BBS5: variants seen among roughly 807,000 people sequenced by gnomAD.
BBS5 encodes Bardet-Biedl syndrome 5.
In BBS5, 39 loss-of-function variants were observed where a neutral mutation model predicts 50.2. The observed-to-expected ratio is 0.78, with a 90% CI of 0.60 to 1.01. BBS5 has a LOEUF of 1.01. Among genes scored for constraint, BBS5 ranks in the 50% least tolerant of loss-of-function variants. BBS5 has a pLI of 0.00. For synonymous variants in BBS5, 134 were observed against 133.1 expected (o/e 1.01, Z -0.05); for missense variants, 356 against 401.5 (o/e 0.89, Z 0.97).
chr2:169,500,895 C>T (rs965260125), intron 9 of BBS5, among the ~76,000 whole-genome samples: 2 of 152,164 alleles, frequency 1.3e-5, no homozygotes, highest in Non-Finnish European at 2.9e-5. Context: ...GTAATATCAC[C>T]TGCTCGTTCA....
At chr2:169,482,085 A>C (rs1683407393) in intron 1 of BBS5, among the ~76,000 whole-genome samples, 166 bp from the exon 2 acceptor site, 1 of 152,102 alleles carries the variant, frequency 6.6e-6, no homozygotes. Flanking sequence ...ACTGATCTTC[A>C]GGTTCTTGAA....
chr2:169,504,700 A>C lies in BBS5; in HGVS notation c.*118A>C, dbSNP rs1431317019. On this transcript the variant is annotated 3_prime_UTR_variant, in exon 12 of 12. Transcript: ENST00000295240. ...TACAGCTTTTATATTTAAAACTTGT[A>C]AGAGTTTTTTTAATGATTGAGGAAA... 2 of 1,190,202 alleles carry C rather than the reference A, an allele frequency of 1.7e-6. No individual in the cohort carries two copies. Among genetic ancestry groups the C allele is most frequent in the Non-Finnish European group, 2.4e-6 (2 of 827,314 alleles). 73.7% of individuals were successfully genotyped at this position (1,190,202 alleles called of 1,614,324 possible).
At position 169,499,609 on chromosome 2, in the gene BBS5, A is replaced by T; in HGVS notation, c.805A>T (p.Met269Leu). ...TCCCATATTTGGAGTTGATTATGAG[A>T]TGGAAGAAAAGGTAATTTGTTGAGT... ...ASPIFGVDYE[M>L]EEKPQPLEAL... The change falls in exon 9 of 12, where the codon ATG becomes TTG. Residue 269 changes from methionine to leucine, a missense_variant. Physicochemically the swap from Met to Leu is conservative, Grantham distance 15 (BLOSUM62 2). Coordinates refer to ENST00000295240, the MANE Select transcript of BBS5 (RefSeq NM_152384.3). 1 of 1,613,938 alleles carries T rather than the reference A, an allele frequency of 6.2e-7. No homozygotes were observed. Among genetic ancestry groups the T allele is most frequent in the South Asian group, 1.1e-5 (1 of 91,072 alleles).
At chr2:169,504,163 G>A (rs900445870) in intron 10 of BBS5, 140 bp from the exon 11 acceptor site, 2 of 779,226 alleles carry the variant, frequency 2.6e-6, no homozygotes, top group Non-Finnish European at 4.4e-6. Flanking sequence ...GTAGAGATAG[G>A]TGAAAAAAAC....
intron 5 of BBS5, among the ~76,000 whole-genome samples, chr2:169,492,161 G>T (rs1360165010): frequency 6.6e-6 from 1 of 151,904 alleles, no homozygotes; most frequent in East Asian, 1.9e-4. Context: ...AGGAAGAAAA[G>T]GTAGCATTTT....
At chr2:169,493,716 G>T (rs774298713) in intron 6 of BBS5, 25 bp from the exon 7 acceptor site, 1 of 1,458,258 alleles carries the variant, frequency 6.9e-7, no homozygotes, top group Non-Finnish European at 9.6e-7. Context: ...TGATCATTTC[G>T]GTATCTCATT....
rs186324367 is a variant in BBS5 at position 169,479,567 on chromosome 2, A to G, written c.14A>G (p.Asp5Gly). The part of the protein sequence containing the change: MSVL[D>G]ALWEDRDVRF... Reference sequence around the variant, plus strand: ...GCCTTGTTCACCATGTCGGTGCTGGATGCGCTTTGGGAGGATCGGGATGTC... The same window carrying G: ...GCCTTGTTCACCATGTCGGTGCTGGGTGCGCTTTGGGAGGATCGGGATGTC... Residue 5 changes from aspartate (D) to glycine (G), a missense_variant, in exon 1 of 12, where the codon GAT (aspartate) becomes GGT (glycine). Coordinates refer to ENST00000295240, the MANE Select transcript of BBS5 (RefSeq NM_152384.3). The G allele has an allele frequency of 1.2e-6, 2 of 1,614,146 alleles. No individual in the cohort carries two copies.
chr2:169,486,984 C>T (rs1018310809), intron 2 of BBS5, 85 bp from the exon 3 acceptor site: 2 of 871,728 alleles, frequency 2.3e-6, no homozygotes, highest in African/African-American at 3.3e-5. Flanking sequence ...TAATACTGGG[C>T]CAGAAGTTCC....
chr2:169,502,090 A>G lies in BBS5; in HGVS notation c.817-1005A>G, dbSNP rs114754670. Among the ~76,000 whole-genome samples the G allele has an allele frequency of 6.9e-3, 1,044 of 152,212 alleles. 3 individuals carry two copies. The highest frequency in any genetic ancestry group is 0.019 in the East Asian group (99 of 5,178). On this transcript the variant is annotated intron_variant, in intron 9 of 11. Transcript: ENST00000295240. Reference sequence around the variant, plus strand: ...TCAGAATTAATCAGCCTCCTCCACTATAAATGATCTCCCTGAAGTCAGCGA... The same window carrying G: ...TCAGAATTAATCAGCCTCCTCCACTGTAAATGATCTCCCTGAAGTCAGCGA...
chr2:169,497,526 CTA>C (rs2105300307), intron 7 of BBS5, 99 bp from the exon 8 acceptor site: 1 of 743,376 alleles, frequency 1.3e-6, no homozygotes, highest in South Asian at 1.6e-5. Context: ...GTTCTTTAGA[CTA>C]TGAAAAGTAA....
chr2:169,480,649 T>C (rs1472626341), intron 1 of BBS5, among the ~76,000 whole-genome samples: 1 of 150,630 alleles, frequency 6.6e-6, no homozygotes, highest in Non-Finnish European at 1.5e-5. Flanking sequence ...TTGCGCACTT[T>C]CTATGACATT....
intron 2 of BBS5, among the ~76,000 whole-genome samples, chr2:169,486,300 C>T (rs537237711): frequency 6.6e-5 from 10 of 152,268 alleles, no homozygotes; most frequent in African/African-American, 2.4e-4. Context: ...TGTGTTTAAA[C>T]AAAGTGAGTC....
rs1181001100 is a variant in BBS5 at position 169,487,135 on chromosome 2, G to GT, written c.208+2dup. 6.2e-7 allele frequency: 1 copy of GT among 1,604,568 alleles called. No individual in the cohort carries two copies. The highest frequency in any genetic ancestry group is 8.5e-7 in the Non-Finnish European group (1 of 1,171,888). On this transcript the variant is annotated splice_donor_variant, in intron 3 of 11. Coordinates refer to ENST00000295240, the MANE Select transcript of BBS5 (RefSeq NM_152384.3). LOFTEE classifies it high-confidence loss of function. ...TTGGCATTATCAAGAGTCAATGTTTGTAAGTATCTTTGTTAGATAAGTCTG... is the reference window on the plus strand; with the variant it reads ...TTGGCATTATCAAGAGTCAATGTTTGTTAAGTATCTTTGTTAGATAAGTCTG...
At chr2:169,482,497 A>G in intron 2 of BBS5, 164 bp downstream of exon 2, 2 of 621,384 alleles carry the variant, frequency 3.2e-6, no homozygotes, top group Admixed American at 5.0e-5. Flanking sequence ...AGAAGACAGG[A>G]TAGGTATTAA....
Position 169,504,593 on chromosome 2 carries a change from G to A in BBS5, c.*11G>A, listed in dbSNP as rs764760084. 1 of 1,572,492 alleles carries A rather than the reference G, an allele frequency of 6.4e-7. No individual in the cohort carries two copies. The highest frequency in any genetic ancestry group is 1.7e-5 in the Admixed American group (1 of 59,970). ...GAAGTAATGAGTTGATTGACCTTGA[G>A]TTGAGATGGATTTCTATTAAAGATA... is the stretch of plus-strand genomic sequence containing the variant. On this transcript the variant is annotated 3_prime_UTR_variant, in exon 12 of 12. Transcript: ENST00000295240.
intron 7 of BBS5, among the ~76,000 whole-genome samples, chr2:169,494,254 TG>T (rs1683655185): frequency 6.6e-6 from 1 of 152,222 alleles, no homozygotes; most frequent in African/African-American, 2.4e-5. Flanking sequence ...TGTCATTTTC[TG>T]CTCTAAAGCT....
At chr2:169,479,660 C>T (rs1375848189) in intron 1 of BBS5, 48 bp downstream of exon 1, 2 of 1,605,680 alleles carry the variant, frequency 1.2e-6, no homozygotes, top group East Asian at 2.2e-5. Flanking sequence ...TAGAGGGCGC[C>T]GCCGTGCGCG....
chr2:169,493,892 C>T, intron 7 of BBS5, 56 bp downstream of exon 7: 3 of 1,242,432 alleles, frequency 2.4e-6, no homozygotes, highest in Non-Finnish European at 3.5e-6. Context: ...ATTTTTTGTT[C>T]AATAGTTAAT....
chr2:169,500,482 C>T (rs949589395), intron 9 of BBS5, among the ~76,000 whole-genome samples: 1 of 152,196 alleles, frequency 6.6e-6, no homozygotes, highest in South Asian at 2.1e-4. Flanking sequence ...ACTGATCACT[C>T]GATTGTAGAC....
Sources: allele counts gnomAD v4.1 joint callset (sites outside exome capture counted in the v4.1 genomes callset), GRCh38; gene constraint gnomAD v4.1.1; transcripts MANE v1.5; gene names NCBI Gene and HGNC (gene_info 2026-07-23, HGNC 2026-07-21).